PCLAF: variants seen among roughly 807,000 people sequenced by gnomAD.
PCLAF encodes the protein PCNA clamp associated factor.
PCLAF carries 12 observed loss-of-function variants against 15.1 expected under a neutral mutation model. That is an observed-to-expected ratio of 0.79 (90% CI 0.51 to 1.29). The LOEUF is 1.29. Among genes scored for constraint, PCLAF ranks in the 50% most tolerant of loss-of-function variants. PCLAF has a pLI of 0.00. For missense variants in PCLAF, 116 were observed against 130.9 expected (o/e 0.89, Z 0.56); for synonymous variants, 33 against 47.1 (o/e 0.70, Z 1.22).
Position 64,370,259 on chromosome 15 carries a change from T to TG in PCLAF, c.291-4185_291-4184insC, listed in dbSNP as rs1272964045. The stretch of plus-strand genomic sequence containing the variant: ...GCCCACCTAATTTTTTTTTTTTTTT[T>TG]TTTTTGTGTAGAGACCATGCCTAAG... On this transcript the variant is annotated intron_variant, in intron 3 of 3. Coordinates refer to ENST00000300035, the MANE Select transcript of PCLAF (RefSeq NM_014736.6). 9.8e-3 allele frequency among the ~76,000 whole-genome samples: 1,445 copies of TG among 148,024 alleles called. 20 individuals carry two copies. The highest frequency in any genetic ancestry group is 0.013 in the Non-Finnish European group (878 of 66,794).
intron 2 of PCLAF, among the ~76,000 whole-genome samples, chr15:64,380,745 T>A (rs563953353): frequency 6.6e-6 from 1 of 152,032 alleles, no homozygotes; most frequent in Non-Finnish European, 1.5e-5. Flanking sequence ...AGATAAGGTG[T>A]GTCGGTCCTT....
At chr15:64,374,271 G>A (rs533650418) in intron 3 of PCLAF, among the ~76,000 whole-genome samples, 2 of 152,158 alleles carry the variant, frequency 1.3e-5, no homozygotes, top group Non-Finnish European at 2.9e-5. Context: ...GCCGGGTGTG[G>A]TTGCACTCGC....
At chr15:64,369,613 T>A (rs1899197293) in intron 3 of PCLAF, among the ~76,000 whole-genome samples, 1 of 152,092 alleles carries the variant, frequency 6.6e-6, no homozygotes, top group African/African-American at 2.4e-5. Flanking sequence ...TGAAGTGCAG[T>A]GATCTCGGCT....
chr15:64,368,043 G>C (rs983194609), intron 3 of PCLAF, among the ~76,000 whole-genome samples: 1 of 151,692 alleles, frequency 6.6e-6, no homozygotes, highest in Non-Finnish European at 1.5e-5. Context: ...ACTCAGATTT[G>C]GTATAAGATT....
chr15:64,366,433 C>T (rs1476432811), intron 3 of PCLAF, among the ~76,000 whole-genome samples: 8 of 151,984 alleles, frequency 5.3e-5, no homozygotes, highest in African/African-American at 1.9e-4. Context: ...TTTGTGGTAA[C>T]AAAAAGTAAA....
intron 1 of PCLAF, 43 bp downstream of exon 1, chr15:64,381,283 G>A (rs1475651342): frequency 6.2e-7 from 1 of 1,610,260 alleles, no homozygotes; most frequent in Non-Finnish European, 8.5e-7. Context: ...CAGGCTGCCG[G>A]GAGGACCCCC....
At chr15:64,370,247 T>C (rs994533955) in intron 3 of PCLAF, among the ~76,000 whole-genome samples, 1 of 149,962 alleles carries the variant, frequency 6.7e-6, no homozygotes, top group African/African-American at 2.5e-5. Context: ...CACCTAATTT[T>C]TTTTTTTTTT....
chr15:64,386,616 C>T (rs1899943352), intron 1 of PCLAF, among the ~76,000 whole-genome samples: 1 of 149,684 alleles, frequency 6.7e-6, no homozygotes, highest in Non-Finnish European at 1.5e-5. Flanking sequence ...AGCCACCACG[C>T]CCAGTGTGTG....
rs530668324 is a variant in PCLAF at position 64,368,784 on chromosome 15, T to G, written c.291-2709A>C. ...GATTAAAGTTCTTTATGAGAATACA[T>G]GTGTAATCTCTTTTCATATGGTGGG... On this transcript the variant is annotated intron_variant, in intron 3 of 3. Transcript: ENST00000300035. Among the ~76,000 whole-genome samples the G allele has an allele frequency of 2.0e-5, 3 of 152,138 alleles. 1 individual carries two copies. The highest frequency in any genetic ancestry group is 7.2e-5 in the African/African-American group (3 of 41,414).
chr15:64,368,979 G>A lies in PCLAF; in HGVS notation c.291-2904C>T, dbSNP rs956266668. Among the ~76,000 whole-genome samples, 18 of 152,130 alleles carry A rather than the reference G, an allele frequency of 1.2e-4. No individual in the cohort carries two copies. The South Asian group carries it at 1.4e-3, about 12-fold the overall frequency. ...GCTTGTTCCTGTTGGAAAAAAGAAC[G>A]AGGAAGAAAGGTGCCAGACAATGAC... On this transcript the variant is annotated intron_variant, in intron 3 of 3. Transcript: ENST00000300035.
upstream of PCLAF, among the ~76,000 whole-genome samples, chr15:64,384,146 T>C (rs140462672): frequency 1.6e-3 from 240 of 152,252 alleles, no homozygotes; most frequent in African/African-American, 5.6e-3. Context: ...TTTTATTTAT[T>C]AATTTTGAGA....
At chr15:64,386,020 C>T (rs1394465555), upstream of PCLAF, among the ~76,000 whole-genome samples, 1 of 152,040 alleles carries the variant, frequency 6.6e-6, no homozygotes, top group Non-Finnish European at 1.5e-5. Context: ...AGCCAATTCC[C>T]TAATAAATCT....
intron 3 of PCLAF, chr15:64,373,771 C>T (rs1437948187): frequency 6.5e-7 from 1 of 1,535,516 alleles, no homozygotes; most frequent in Non-Finnish European, 8.7e-7. Flanking sequence ...CTGGCTGGTG[C>T]AGGGGAGATA....
intron 3 of PCLAF, chr15:64,373,539 G>T: frequency 7.9e-7 from 1 of 1,262,268 alleles, no homozygotes; most frequent in Non-Finnish European, 1.0e-6. Flanking sequence ...ACCACAAGGA[G>T]ACCGGCTGTA....
intron 3 of PCLAF, among the ~76,000 whole-genome samples, chr15:64,374,808 T>C (rs1899533008): frequency 7.2e-6 from 1 of 138,266 alleles, no homozygotes; most frequent in East Asian, 2.1e-4. Flanking sequence ...ATTGGGCCAC[T>C]GCATTACAGC....
chr15:64,373,761 C>T (rs1899460679), intron 3 of PCLAF: 5 of 1,535,662 alleles, frequency 3.3e-6, no homozygotes, highest in Non-Finnish European at 4.4e-6. Flanking sequence ...TGGGTGGCTC[C>T]TGGCTGGTGC....
upstream of PCLAF, chr15:64,382,415 C>T (rs1370522492): frequency 1.5e-5 from 1 of 68,042 alleles, no homozygotes; most frequent in Non-Finnish European, 2.9e-5. Context: ...GATCCTGTCT[C>T]AAAAAAAAAA....
upstream of PCLAF, among the ~76,000 whole-genome samples, chr15:64,383,871 T>C (rs576804111): frequency 6.6e-6 from 1 of 152,118 alleles, no homozygotes; most frequent in Admixed American, 6.6e-5. Context: ...ATTACTATAG[T>C]TGTGTGTTTG....
chr15:64,373,112 T>A (rs1308075620), intron 3 of PCLAF: 3 of 152,252 alleles, frequency 2.0e-5, no homozygotes, highest in Non-Finnish European at 4.4e-5. Flanking sequence ...TTTCTTCCAA[T>A]GCACATATAT....
Sources: gnomAD v4.1 joint callset for allele counts (sites outside exome capture counted in the v4.1 genomes callset) on GRCh38, gnomAD v4.1.1 for gene constraint, MANE v1.5 for transcripts, NCBI Gene and HGNC (gene_info 2026-07-23, HGNC 2026-07-21) for gene names.